CATSPERT: variants seen among roughly 807,000 people sequenced by gnomAD.
The protein encoded by CATSPERT is cation channel sperm-associated targeting subunit tau.
At chr2:201,498,698 C>A in the CATSPERT span, among the ~76,000 whole-genome samples, 1 of 152,062 alleles carries the variant, frequency 6.6e-6, no homozygotes, top group Non-Finnish European at 1.5e-5. Flanking sequence ...ATGGGAATGT[C>A]CATAGTTATT....
chr2:201,532,409 T>C, the CATSPERT span, among the ~76,000 whole-genome samples: 67 of 152,082 alleles, frequency 4.4e-4, no homozygotes, highest in African/African-American at 1.6e-3. Context: ...TTAGTGGAGG[T>C]GAAATTAAGA....
the CATSPERT span, among the ~76,000 whole-genome samples, chr2:201,497,102 TAAC>T: frequency 1.3e-5 from 2 of 152,256 alleles, no homozygotes; most frequent in African/African-American, 2.4e-5. Context: ...TTAATTAAAA[TAAC>T]AATTCAATGA....
the CATSPERT span, among the ~76,000 whole-genome samples, chr2:201,511,162 AC>A: frequency 2.0e-5 from 3 of 152,228 alleles, no homozygotes; most frequent in Non-Finnish European, 2.9e-5. Flanking sequence ...TGGGATGAGT[AC>A]TTTCTAGCGT....
chr2:201,514,150 A>G, the CATSPERT span, among the ~76,000 whole-genome samples: 1 of 152,192 alleles, frequency 6.6e-6, no homozygotes, highest in Admixed American at 6.5e-5. Flanking sequence ...CAAATTATTC[A>G]TAAATTCTTC....
the CATSPERT span, among the ~76,000 whole-genome samples, chr2:201,580,663 A>AT: frequency 1.4e-4 from 21 of 152,194 alleles, no homozygotes; most frequent in Admixed American, 1.4e-3. Flanking sequence ...ACATAACCCC[A>AT]TTAGTCTTTG....
the CATSPERT span, among the ~76,000 whole-genome samples, chr2:201,584,145 C>A: frequency 6.6e-6 from 1 of 151,904 alleles, no homozygotes; most frequent in African/African-American, 2.4e-5. Context: ...CAAAAAGTAG[C>A]CAAGCATGGT....
chr2:201,556,059 C>G, the CATSPERT span: 1 of 152,100 alleles, frequency 6.6e-6, no homozygotes, highest in Non-Finnish European at 1.5e-5. Context: ...TAAAAAAATT[C>G]AGATTATAAA....
At chr2:201,549,355 T>C in the CATSPERT span, among the ~76,000 whole-genome samples, 2,629 of 152,156 alleles carry the variant, frequency 0.017, 85 homozygotes, top group African/African-American at 0.06. Flanking sequence ...ATAATTTTCA[T>C]AATCTGAGAA....
the CATSPERT span, chr2:201,551,117 T>C: frequency 1.2e-4 from 19 of 152,348 alleles, no homozygotes; most frequent in Non-Finnish European, 2.5e-4. Context: ...ATAAATATAT[T>C]GGAAAATTGT....
the CATSPERT span, among the ~76,000 whole-genome samples, chr2:201,616,634 T>C: frequency 2.6e-5 from 4 of 152,310 alleles, no homozygotes; most frequent in Admixed American, 2.0e-4. Context: ...AGCATTCCCT[T>C]TGAAAACTGG....
chr2:201,509,292 C>T, the CATSPERT span, among the ~76,000 whole-genome samples: 1 of 150,972 alleles, frequency 6.6e-6, no homozygotes, highest in South Asian at 2.1e-4. Context: ...ATTTGTATAG[C>T]TTCTTTGGAG....
the CATSPERT span, among the ~76,000 whole-genome samples, chr2:201,542,731 T>C: frequency 1.3e-5 from 2 of 152,190 alleles, no homozygotes; most frequent in Non-Finnish European, 2.9e-5. Flanking sequence ...GTTGAAAAGT[T>C]TCCTTATATG....
At chr2:201,504,260 T>C in the CATSPERT span, among the ~76,000 whole-genome samples, 1 of 152,250 alleles carries the variant, frequency 6.6e-6, no homozygotes, top group African/African-American at 2.4e-5. Flanking sequence ...GCTCCTGTGC[T>C]GCTGCCTTCA....
At chr2:201,531,513 GGAAATGATATAT>G in the CATSPERT span, among the ~76,000 whole-genome samples, 1 of 152,114 alleles carries the variant, frequency 6.6e-6, no homozygotes, top group African/African-American at 2.4e-5. Context: ...TATGATACCA[GGAAATGATATAT>G]GAAGAAAGAA....
the CATSPERT span, among the ~76,000 whole-genome samples, chr2:201,614,552 G>C: frequency 6.6e-6 from 1 of 152,292 alleles, no homozygotes; most frequent in East Asian, 1.9e-4. Flanking sequence ...AAGAGCTCCT[G>C]AATGAAGCAC....
At chr2:201,573,549 C>T in the CATSPERT span, among the ~76,000 whole-genome samples, 8,383 of 152,210 alleles carry the variant, frequency 0.055, 283 homozygotes, top group African/African-American at 0.081. Flanking sequence ...CAGGCAATTA[C>T]TCAATTTTTA....
chr2:201,499,810 G>C, the CATSPERT span, among the ~76,000 whole-genome samples: 1 of 150,238 alleles, frequency 6.7e-6, no homozygotes, highest in East Asian at 1.9e-4. Context: ...TATAGCCTGT[G>C]CAACAGAGTG....
chr2:201,571,829 C>T, the CATSPERT span: 1 of 873,978 alleles, frequency 1.1e-6, no homozygotes, highest in Non-Finnish European at 1.8e-6. Flanking sequence ...CCATCCTGGC[C>T]ATGTCCTGGG....
At chr2:201,548,598 A>G in the CATSPERT span, among the ~76,000 whole-genome samples, 2 of 152,122 alleles carry the variant, frequency 1.3e-5, no homozygotes, top group African/African-American at 4.8e-5. Flanking sequence ...TGTATCTTCT[A>G]ATCCAAGAAA....
Sources: gnomAD v4.1 joint callset for allele counts (sites outside exome capture counted in the v4.1 genomes callset) on GRCh38, gnomAD v4.1.1 for gene constraint, MANE v1.5 for transcripts, NCBI Gene and HGNC (gene_info 2026-07-23, HGNC 2026-07-21) for gene names.